The following DGKD variants were observed in gnomAD, a reference collection of about 807,000 sequenced individuals.
DGKD encodes the protein diacylglycerol kinase delta, also known as DAG kinase delta.
DGKD carries 68 observed loss-of-function variants against 154.4 expected under a neutral mutation model. That is an observed-to-expected ratio of 0.44 (90% CI 0.36 to 0.54). DGKD has a LOEUF of 0.54. DGKD is among the 20% of genes least tolerant of loss of function. The pLI, the probability that DGKD is intolerant of heterozygous loss-of-function variation, is 0.00. For synonymous variants in DGKD, 693 were observed against 638.0 expected, an observed-to-expected ratio of 1.09 and a Z score of -1.30; for missense variants, 1,343 against 1,593.6, an observed-to-expected ratio of 0.84 and a Z score of 2.68.
intron 3 of DGKD, among the ~76,000 whole-genome samples, chr2:233,393,334 CTTTTTTTTTTT>C (rs61587988): frequency 1.9e-5 from 2 of 103,862 alleles, no homozygotes; most frequent in Non-Finnish European, 3.8e-5. Context: ...GGCCTGTTTC[CTTTTTTTTTTT>C]TTTTTTTTTG....
At chr2:233,402,818 A>G (rs1385517070) in intron 3 of DGKD, among the ~76,000 whole-genome samples, 1 of 152,220 alleles carries the variant, frequency 6.6e-6, no homozygotes, top group Non-Finnish European at 1.5e-5. Context: ...CAAGTTTTAG[A>G]ACTTGTTATT....
intron 3 of DGKD, among the ~76,000 whole-genome samples, chr2:233,433,468 G>A (rs2062595182): frequency 6.6e-6 from 1 of 152,148 alleles, no homozygotes; most frequent in African/African-American, 2.4e-5. Context: ...GGGCTGGGGG[G>A]ATGGTTAATA....
chr2:233,405,869 A>T (rs2061674142), intron 3 of DGKD, among the ~76,000 whole-genome samples: 2 of 152,246 alleles, frequency 1.3e-5, no homozygotes, highest in African/African-American at 4.8e-5. Flanking sequence ...GTTTATATTT[A>T]ATGCTGGTAG....
chr2:233,426,975 C>T (rs1002186867), intron 3 of DGKD, among the ~76,000 whole-genome samples: 1 of 152,150 alleles, frequency 6.6e-6, no homozygotes, highest in Non-Finnish European at 1.5e-5. Flanking sequence ...CTATTCAAGT[C>T]TTTCGTCCAT....
chr2:233,386,750 G>T (rs916720492), intron 1 of DGKD, among the ~76,000 whole-genome samples: 5 of 152,202 alleles, frequency 3.3e-5, no homozygotes, highest in Non-Finnish European at 7.3e-5. Context: ...GCTCTGCCCT[G>T]CGCTGATCCT....
At chr2:233,386,228 A>AT (rs949261884) in intron 1 of DGKD, 4 of 327,038 alleles carry the variant, frequency 1.2e-5, no homozygotes, top group Non-Finnish European at 1.8e-5. Flanking sequence ...AGGAAGATGA[A>AT]TGGGGGGCCA....
intron 12 of DGKD, chr2:233,447,409 C>T: frequency 1.1e-6 from 1 of 930,750 alleles, no homozygotes; most frequent in Non-Finnish European, 1.3e-6. Context: ...GAGCTTTTGT[C>T]AGGGGCTAGG....
intron 1 of DGKD, among the ~76,000 whole-genome samples, chr2:233,373,007 A>G (rs1702397489): frequency 6.6e-6 from 1 of 152,206 alleles, no homozygotes; most frequent in Non-Finnish European, 1.5e-5. Flanking sequence ...TGACTCAGTG[A>G]GTTAATGATA....
chr2:233,457,462 A>T lies in DGKD; in HGVS notation c.2580+134A>T. The T allele has an allele frequency of 1.4e-6, 1 of 738,470 alleles. No individual in the cohort carries two copies. The highest frequency in any genetic ancestry group is 2.4e-6 in the Non-Finnish European group (1 of 414,316). The allele number at this position is 738,470 out of a possible 1,614,324, so 45.7% of individuals were successfully genotyped here. A position where few individuals can be genotyped will look rare whatever the true frequency, so the allele number is the denominator to read the frequency against. On this transcript the variant is annotated intron_variant, in intron 21 of 29. Coordinates refer to ENST00000264057, the MANE Select transcript of DGKD (RefSeq NM_152879.3). The surrounding 1 kb of genome is among the most constrained non-coding windows in gnomAD (Gnocchi z 5.5). The stretch of plus-strand genomic sequence containing the variant: ...CAGCAGTGGGGTTGCCGTGGAGAAC[A>T]AGATAGACAGGGTCCCCCACCCAGC...
At chr2:233,362,266 G>A (rs1701820658) in intron 1 of DGKD, among the ~76,000 whole-genome samples, 1 of 152,196 alleles carries the variant, frequency 6.6e-6, no homozygotes, top group African/African-American at 2.4e-5. Flanking sequence ...TTTGGAGAGG[G>A]TGGGAGACAG....
chr2:233,461,691 G>C (rs905017008), intron 24 of DGKD, among the ~76,000 whole-genome samples: 8 of 152,254 alleles, frequency 5.3e-5, no homozygotes, highest in Non-Finnish European at 1.5e-5. Flanking sequence ...CTGCCTGGAA[G>C]GTGCACTTGC....
At chr2:233,363,081 T>C (rs1701859389) in intron 1 of DGKD, among the ~76,000 whole-genome samples, 1 of 152,238 alleles carries the variant, frequency 6.6e-6, no homozygotes, top group African/African-American at 2.4e-5. Context: ...TTTTAGAGTA[T>C]ATTCTTCCTA....
intron 3 of DGKD, among the ~76,000 whole-genome samples, chr2:233,411,487 C>G (rs899528013): frequency 6.6e-6 from 1 of 152,106 alleles, no homozygotes; most frequent in African/African-American, 2.4e-5. Flanking sequence ...ATTTGTATGT[C>G]TTTTGTGAAA....
At chr2:233,382,243 A>G (rs1702941706) in intron 1 of DGKD, among the ~76,000 whole-genome samples, 1 of 152,176 alleles carries the variant, frequency 6.6e-6, no homozygotes, top group Non-Finnish European at 1.5e-5. Flanking sequence ...CAGAAAACAA[A>G]CAAACAAAGA....
intron 3 of DGKD, among the ~76,000 whole-genome samples, chr2:233,394,006 G>A (rs983552808): frequency 6.6e-6 from 1 of 152,126 alleles, no homozygotes; most frequent in African/African-American, 2.4e-5. Flanking sequence ...TGTAACTTAC[G>A]AAATATGTTG....
chr2:233,464,367 G>A, intron 27 of DGKD, 84 bp downstream of exon 27: 2 of 1,551,660 alleles, frequency 1.3e-6, no homozygotes, highest in Non-Finnish European at 1.8e-6. Flanking sequence ...TGACCCGTGT[G>A]GCTCTGGGAT....
intron 19 of DGKD, 94 bp downstream of exon 19, chr2:233,454,967 A>T: frequency 1.3e-6 from 1 of 795,970 alleles, no homozygotes; most frequent in Non-Finnish European, 2.1e-6. Context: ...CAGGTTAAAG[A>T]ACGTGCAGAA....
chr2:233,436,724 G>A (rs948834465), intron 7 of DGKD, among the ~76,000 whole-genome samples: 7 of 152,394 alleles, frequency 4.6e-5, no homozygotes, highest in Admixed American at 1.3e-4. Context: ...GGGTTGTGAG[G>A]GGTCACCTGG....
intron 1 of DGKD, among the ~76,000 whole-genome samples, chr2:233,374,797 A>G (rs973188652): frequency 3.3e-5 from 5 of 151,998 alleles, no homozygotes; most frequent in Admixed American, 6.6e-5. Context: ...GTATGCCACC[A>G]TACCCAGCCA....
Sources: allele counts gnomAD v4.1 joint callset (sites outside exome capture counted in the v4.1 genomes callset), GRCh38; gene constraint gnomAD v4.1.1; non-coding constraint Gnocchi (gnomAD v3.1); transcripts MANE v1.5; gene names NCBI Gene and HGNC (gene_info 2026-07-23, HGNC 2026-07-21).